GNG12: variants seen among roughly 807,000 people sequenced by gnomAD.
GNG12 encodes G protein subunit gamma 12, also known as guanine nucleotide-binding protein G(I)/G(S)/G(O) subunit gamma-12.
For missense variants in GNG12, 69 were observed against 83.8 expected (o/e 0.82, Z 0.69); for synonymous variants, 28 against 29.7 (o/e 0.94, Z 0.19).
At chr1:67,775,779 C>A (rs1300150486) in intron 2 of GNG12, among the ~76,000 whole-genome samples, 1 of 152,082 alleles carries the variant, frequency 6.6e-6, no homozygotes. Context: ...TCAGAGCAGG[C>A]AAGATCACAG....
At chr1:67,713,045 A>G (rs563367506) in intron 2 of GNG12, among the ~76,000 whole-genome samples, 1 of 152,266 alleles carries the variant, frequency 6.6e-6, no homozygotes, top group Admixed American at 6.5e-5. Context: ...GTGGTTCTTA[A>G]TCAGGGGTGA....
At chr1:67,716,690 A>G (rs1557594469) in intron 2 of GNG12, among the ~76,000 whole-genome samples, 2 of 152,202 alleles carry the variant, frequency 1.3e-5, no homozygotes, top group African/African-American at 2.4e-5. Context: ...AGGAGAGGCC[A>G]AGTATCAGCC....
chr1:67,811,468 A>C (rs1646925549), intron 1 of GNG12, among the ~76,000 whole-genome samples: 1 of 152,208 alleles, frequency 6.6e-6, no homozygotes, highest in South Asian at 2.1e-4. Flanking sequence ...CGGTAAAATA[A>C]TACTTCCTGG....
chr1:67,754,252 C>T (rs78299405), intron 2 of GNG12, among the ~76,000 whole-genome samples: 154 of 152,256 alleles, frequency 1.0e-3, no homozygotes, highest in East Asian at 2.1e-3. Flanking sequence ...GTCCCAACCA[C>T]GCCTACCTCC....
At chr1:67,770,653 G>T (rs1425942781) in intron 2 of GNG12, among the ~76,000 whole-genome samples, 1 of 152,158 alleles carries the variant, frequency 6.6e-6, no homozygotes, top group Non-Finnish European at 1.5e-5. Context: ...ATCCCGGGGG[G>T]CCCAGAGCAA....
At chr1:67,735,465 TA>T (rs1646447746) in intron 2 of GNG12, among the ~76,000 whole-genome samples, 1 of 152,258 alleles carries the variant, frequency 6.6e-6, no homozygotes. Context: ...TCTTGCCATT[TA>T]ACTGTGTGAC....
At chr1:67,818,413 GTTTTTTTTTTTT>G (rs1163831257) in intron 1 of GNG12, among the ~76,000 whole-genome samples, 6 of 83,882 alleles carry the variant, frequency 7.2e-5, no homozygotes, top group African/African-American at 1.3e-4. Flanking sequence ...AAGACCAGGG[GTTTTTTTTTTTT>G]TTTTTTTTTT....
intron 1 of GNG12, among the ~76,000 whole-genome samples, chr1:67,790,743 G>A (rs1416481945): frequency 6.6e-6 from 1 of 151,908 alleles, no homozygotes; most frequent in East Asian, 1.9e-4. Context: ...CTGAGTAGCT[G>A]GGATTACAGG....
chr1:67,770,952 A>G (rs1557611887), intron 2 of GNG12, among the ~76,000 whole-genome samples: 1 of 152,184 alleles, frequency 6.6e-6, no homozygotes, highest in Non-Finnish European at 1.5e-5. Flanking sequence ...CAAATTTCCA[A>G]AATGAACCTG....
intron 2 of GNG12, among the ~76,000 whole-genome samples, chr1:67,724,379 G>C (rs528372112): frequency 6.6e-6 from 1 of 152,176 alleles, no homozygotes; most frequent in African/African-American, 2.4e-5. Flanking sequence ...TTATAGAAGA[G>C]CATGCACTGT....
intron 2 of GNG12, chr1:67,772,725 G>A (rs1375802873): frequency 6.6e-6 from 1 of 152,194 alleles, no homozygotes; most frequent in African/African-American, 2.4e-5. Context: ...TGGGACACAT[G>A]AACAGGCCTT....
intron 1 of GNG12, among the ~76,000 whole-genome samples, chr1:67,806,474 G>C (rs1646895085): frequency 6.6e-6 from 1 of 152,058 alleles, no homozygotes; most frequent in Non-Finnish European, 1.5e-5. Flanking sequence ...CCATATGTGT[G>C]CGTTCCACAG....
chr1:67,747,339 C>T (rs535086576), intron 2 of GNG12, among the ~76,000 whole-genome samples: 29 of 152,214 alleles, frequency 1.9e-4, no homozygotes, highest in African/African-American at 6.3e-4. Context: ...AGGCTGATCT[C>T]GAACTCCTGA....
At chr1:67,811,915 G>A (rs1557625248) in intron 1 of GNG12, among the ~76,000 whole-genome samples, 1 of 152,130 alleles carries the variant, frequency 6.6e-6, no homozygotes, top group African/African-American at 2.4e-5. Context: ...ATTTGTTTAC[G>A]GAAGAACATG....
Position 67,823,438 on chromosome 1 carries a change from T to C in GNG12, c.-77+9906A>G, listed in dbSNP as rs377429506. On this transcript the variant is annotated intron_variant, in intron 1 of 3. Transcript: ENST00000370982. ...TTGCACTGACAATTTGGCAGCCCAC[T>C]CTACCCTTAGGCCCAAAAGAGCCAT... 3.6e-4 allele frequency among the ~76,000 whole-genome samples: 55 copies of C among 152,286 alleles called. No homozygotes were observed. The South Asian group carries it at 0.011, about 31-fold the overall frequency.
chr1:67,732,276 G>C (rs188744692), intron 2 of GNG12, among the ~76,000 whole-genome samples: 2 of 152,186 alleles, frequency 1.3e-5, no homozygotes, highest in East Asian at 3.8e-4. Context: ...ACTGACTATC[G>C]GGGGACCCCC....
In GNG12 at chr1:67,736,633, G is replaced by C. The variant is rs1345436945; in HGVS notation, c.-26-28921C>G. 7.9e-5 allele frequency among the ~76,000 whole-genome samples: 12 copies of C among 152,140 alleles called. No individual in the cohort carries two copies. In the East Asian group the frequency reaches 1.7e-3, roughly 22 times the overall value. On this transcript the variant is annotated intron_variant, in intron 2 of 3. Transcript: ENST00000370982. ...CCTCACGATGCCAACCCCAGGAGCA[G>C]TGACCCCCTCACAGGGCACACCTCT...
At chr1:67,758,203 A>C (rs1646581253) in intron 2 of GNG12, among the ~76,000 whole-genome samples, 1 of 152,092 alleles carries the variant, frequency 6.6e-6, no homozygotes, top group Non-Finnish European at 1.5e-5. Context: ...CAAACTCCTG[A>C]CCTCAGTCAA....
chr1:67,780,938 C>T (rs1434548016), intron 1 of GNG12, among the ~76,000 whole-genome samples: 3 of 152,212 alleles, frequency 2.0e-5, no homozygotes, highest in Non-Finnish European at 4.4e-5. Flanking sequence ...CCTTTGGCTG[C>T]CTGGACATGG....
Sources: gnomAD v4.1 joint callset for allele counts (sites outside exome capture counted in the v4.1 genomes callset) on GRCh38, gnomAD v4.1.1 for gene constraint, MANE v1.5 for transcripts, NCBI Gene and HGNC (gene_info 2026-07-23, HGNC 2026-07-21) for gene names.